ASTN2: variants seen among roughly 807,000 people sequenced by gnomAD.
The protein encoded by ASTN2 is astrotactin-2.
Under a neutral mutation model 139.8 loss-of-function variants are expected in ASTN2, and 54 were observed. The ratio of observed to expected loss-of-function variants is 0.39; its 90% CI spans 0.31 to 0.48. The LOEUF (loss-of-function observed/expected upper bound fraction) is 0.48. ASTN2 is among the 20% of genes least tolerant of loss of function. The pLI is 0.95. For synonymous variants in ASTN2, 756 were observed against 719.5 expected (o/e 1.05, Z -0.81); for missense variants, 1,565 against 1,725.1 (o/e 0.91, Z 1.64).
At chr9:116,451,779 CTTTGA>C (rs1174548464) in intron 20 of ASTN2, among the ~76,000 whole-genome samples, 1 of 151,912 alleles carries the variant, frequency 6.6e-6, no homozygotes, top group Non-Finnish European at 1.5e-5. Context: ...TTCTGAAAGC[CTTTGA>C]GGAGTGAATA....
At chr9:117,145,660 C>CG (rs1830177499) in intron 3 of ASTN2, among the ~76,000 whole-genome samples, 1 of 2,748 alleles carries the variant, frequency 3.6e-4, no homozygotes, top group Non-Finnish European at 0.012. Context: ...GGCTTCCTGA[C>CG]ATTCTTGTCC....
chr9:116,839,766 G>T (rs978373611), intron 11 of ASTN2, among the ~76,000 whole-genome samples: 2 of 151,594 alleles, frequency 1.3e-5, no homozygotes, highest in African/African-American at 2.4e-5. Context: ...CACCTCCTGG[G>T]ATCAAGCAAT....
chr9:116,927,809 T>C (rs1002752010), intron 10 of ASTN2, among the ~76,000 whole-genome samples: 1 of 152,154 alleles, frequency 6.6e-6, no homozygotes, highest in African/African-American at 2.4e-5. Context: ...CTCACATAAG[T>C]GTTCTTGGAA....
intron 13 of ASTN2, among the ~76,000 whole-genome samples, chr9:116,739,573 C>T (rs56030367): frequency 0.02 from 3,010 of 152,338 alleles, 38 homozygotes; most frequent in Middle Eastern, 0.041. Context: ...TGAGAACTCT[C>T]GCTGGAATCA....
intron 17 of ASTN2, among the ~76,000 whole-genome samples, chr9:116,635,559 C>A (rs1252725465): frequency 6.6e-6 from 1 of 152,080 alleles, no homozygotes; most frequent in Non-Finnish European, 1.5e-5. Context: ...AAAATGAGTA[C>A]CTGCACATAT....
chr9:116,555,134 G>C (rs1852542546), intron 19 of ASTN2, among the ~76,000 whole-genome samples: 1 of 152,160 alleles, frequency 6.6e-6, no homozygotes. Flanking sequence ...ATTGGTGCTT[G>C]TAAGAGAGAA....
Position 116,964,256 on chromosome 9 carries a change from T to TGTGTGCGCGCGC in ASTN2, c.1889+10951_1889+10952insGCGCGCGCACAC, listed in dbSNP as rs1491183340. ...GTGTGTGTGTGTGTGTGTGTGTGTGTGCGCGCGCGCGCGTGTGTGTTGACT... is the reference window on the plus strand; with the variant it reads ...GTGTGTGTGTGTGTGTGTGTGTGTGTGTGTGCGCGCGCGCGCGCGCGCGCGTGTGTGTTGACT... On this transcript the variant is annotated intron_variant, in intron 10 of 22. Transcript: ENST00000313400. 1.1e-3 allele frequency among the ~76,000 whole-genome samples: 104 copies of TGTGTGCGCGCGC among 98,908 alleles called. 1 individual carries two copies. Among genetic ancestry groups the TGTGTGCGCGCGC allele is most frequent in the African/African-American group, 3.3e-3 (101 of 30,936 alleles). 64.9% of individuals were successfully genotyped at this position (98,908 alleles called of 152,430 possible).
rs73517223 is a variant in ASTN2, at chr9:117,240,851, A to G, written c.631-26109T>C. ...TTAGGACCTAAGCCATGCTTTCTGC[A>G]GACTCTTTTTCACACTCCACACCTT... On this transcript the variant is annotated intron_variant, in intron 2 of 22. Coordinates refer to ENST00000313400, the MANE Select transcript of ASTN2 (RefSeq NM_001365068.1). Among the ~76,000 whole-genome samples the G allele has an allele frequency of 6.8e-3, 1,029 of 152,266 alleles. 12 individuals are homozygous for G. The highest frequency in any genetic ancestry group is 0.023 in the African/African-American group (976 of 41,556).
Position 116,607,724 on chromosome 9 carries a change from C to T in ASTN2, c.3355+10600G>A, listed in dbSNP as rs1260724566. ...ACACACACACACACACACACACACA[C>T]GCTGAAGCAGGCGGGTCACGAGGTC... On this transcript the variant is annotated intron_variant, in intron 19 of 22. Coordinates refer to ENST00000313400, the MANE Select transcript of ASTN2 (RefSeq NM_001365068.1). 9.1e-5 allele frequency among the ~76,000 whole-genome samples: 13 copies of T among 142,870 alleles called. No homozygotes were observed. In the South Asian group the frequency reaches 2.0e-3, roughly 22 times the overall value. 93.7% of individuals were successfully genotyped at this position (142,870 alleles called of 152,430 possible).
intron 1 of ASTN2, among the ~76,000 whole-genome samples, chr9:117,376,652 A>T (rs1587993385): frequency 6.6e-6 from 1 of 152,286 alleles, no homozygotes; most frequent in East Asian, 1.9e-4. Flanking sequence ...CTAGATATGG[A>T]TTCAAGCTCC....
At chr9:116,645,258 T>C (rs866834761) in intron 17 of ASTN2, among the ~76,000 whole-genome samples, 8 of 152,144 alleles carry the variant, frequency 5.3e-5, no homozygotes, top group African/African-American at 1.9e-4. Context: ...TAAGCACCAG[T>C]TGTGCTGAGC....
intron 16 of ASTN2, among the ~76,000 whole-genome samples, chr9:116,689,115 G>A (rs778148713): frequency 1.3e-5 from 2 of 152,022 alleles, no homozygotes. Flanking sequence ...CTTCCCCCCC[G>A]CAGTAAGGAA....
intron 17 of ASTN2, among the ~76,000 whole-genome samples, chr9:116,630,359 C>T (rs1034383272): frequency 1.3e-5 from 2 of 152,078 alleles, no homozygotes; most frequent in South Asian, 2.1e-4. Context: ...TCCATGCAAC[C>T]CTTGAAAAAG....
chr9:116,513,939 G>C (rs1272662500), intron 19 of ASTN2, among the ~76,000 whole-genome samples: 1 of 151,724 alleles, frequency 6.6e-6, no homozygotes, highest in Non-Finnish European at 1.5e-5. Context: ...TTTGCGATGG[G>C]TTCGAACTTC....
intron 19 of ASTN2, among the ~76,000 whole-genome samples, chr9:116,603,506 C>T (rs759520494): frequency 2.0e-5 from 3 of 152,114 alleles, no homozygotes; most frequent in African/African-American, 7.2e-5. Context: ...AGAAAATCCA[C>T]AAAAACCCTG....
At chr9:116,627,021 C>T (rs1477727687) in intron 17 of ASTN2, among the ~76,000 whole-genome samples, 1 of 152,194 alleles carries the variant, frequency 6.6e-6, no homozygotes, top group Non-Finnish European at 1.5e-5. Flanking sequence ...CTGGAGGCCC[C>T]ATTCCTTAGG....
chr9:116,811,256 T>C (rs184574065), intron 12 of ASTN2, among the ~76,000 whole-genome samples: 1 of 152,234 alleles, frequency 6.6e-6, no homozygotes, highest in Non-Finnish European at 1.5e-5. Flanking sequence ...ATTTTCAATC[T>C]TTCTTGCTTC....
At chr9:117,076,775 C>T (rs1828292375) in intron 5 of ASTN2, among the ~76,000 whole-genome samples, 2 of 152,192 alleles carry the variant, frequency 1.3e-5, no homozygotes, top group Non-Finnish European at 2.9e-5. Flanking sequence ...CCAGCCCCAT[C>T]ACCATGACAA....
At chr9:116,752,927 G>A (rs1829436035) in intron 13 of ASTN2, among the ~76,000 whole-genome samples, 1 of 152,216 alleles carries the variant, frequency 6.6e-6, no homozygotes, top group Admixed American at 6.5e-5. Context: ...AATGCAAAAT[G>A]GTACAGCCAC....
Sources: gnomAD v4.1 joint callset for allele counts (sites outside exome capture counted in the v4.1 genomes callset) on GRCh38, gnomAD v4.1.1 for gene constraint, MANE v1.5 for transcripts, NCBI Gene and HGNC (gene_info 2026-07-23, HGNC 2026-07-21) for gene names.